GALNT13: variants seen among roughly 807,000 people sequenced by gnomAD.
GALNT13 encodes polypeptide N-acetylgalactosaminyltransferase 13, also known as UDP-GalNAc:polypeptide N-acetylgalactosaminyltransferase 13.
Under a neutral mutation model 64.2 loss-of-function variants are expected in GALNT13, and 28 were observed. The ratio of observed to expected loss-of-function variants is 0.44; its 90% confidence interval spans 0.32 to 0.60. GALNT13 has a LOEUF of 0.60. GALNT13 is among the 20% of genes least tolerant of loss of function. GALNT13 has a pLI of 0.05. For synonymous variants in GALNT13, 214 were observed against 224.6 expected (o/e 0.95, Z 0.42); for missense variants, 577 against 669.8 (o/e 0.86, Z 1.53).
intron 9 of GALNT13, among the ~76,000 whole-genome samples, chr2:154,331,683 T>C (rs1420486233): frequency 6.6e-6 from 1 of 152,242 alleles, no homozygotes; most frequent in East Asian, 1.9e-4. Context: ...AATGTTAATA[T>C]ACTATTTTAT....
intron 3 of GALNT13, among the ~76,000 whole-genome samples, chr2:154,014,966 A>T (rs1055765371): frequency 2.0e-5 from 3 of 152,112 alleles, no homozygotes; most frequent in Non-Finnish European, 4.4e-5. Context: ...CACCCAAAAT[A>T]TACTTGTAGT....
the GALNT13 span, among the ~76,000 whole-genome samples, chr2:153,334,700 G>T: frequency 6.6e-6 from 1 of 152,136 alleles, no homozygotes; most frequent in African/African-American, 2.4e-5. Flanking sequence ...TATGGATGAA[G>T]TAACTTGACA....
chr2:154,236,731 T>G (rs991613843), intron 4 of GALNT13, among the ~76,000 whole-genome samples: 1 of 152,060 alleles, frequency 6.6e-6, no homozygotes, highest in Admixed American at 6.6e-5. Flanking sequence ...TACAATAATG[T>G]CAATTTTGCT....
chr2:153,729,385 C>T, the GALNT13 span, among the ~76,000 whole-genome samples: 2 of 152,120 alleles, frequency 1.3e-5, no homozygotes, highest in East Asian at 1.9e-4. Flanking sequence ...CAAACACAGG[C>T]TTTTAATTTT....
chr2:153,407,631 CT>C, the GALNT13 span, among the ~76,000 whole-genome samples: 509 of 152,264 alleles, frequency 3.3e-3, 2 homozygotes, highest in African/African-American at 0.011. Flanking sequence ...TGCATCACTG[CT>C]TGATTAGATT....
the GALNT13 span, among the ~76,000 whole-genome samples, chr2:153,493,138 A>T: frequency 2.6e-5 from 4 of 152,114 alleles, no homozygotes; most frequent in African/African-American, 9.6e-5. Context: ...AGAGCAAAGT[A>T]AATAGAAGAC....
intron 4 of GALNT13, among the ~76,000 whole-genome samples, chr2:154,189,321 A>C (rs189313315): frequency 6.6e-6 from 1 of 152,142 alleles, no homozygotes; most frequent in Non-Finnish European, 1.5e-5. Flanking sequence ...CATATGTGGA[A>C]GCCCTAACTT....
At chr2:154,311,272 C>G (rs575443915) in intron 9 of GALNT13, among the ~76,000 whole-genome samples, 31 of 151,956 alleles carry the variant, frequency 2.0e-4, no homozygotes, top group Non-Finnish European at 4.3e-4. Flanking sequence ...CCCCGATAAT[C>G]ACGTAGGTTC....
intron 2 of GALNT13, among the ~76,000 whole-genome samples, chr2:153,918,410 A>G (rs530577514): frequency 6.6e-6 from 1 of 152,142 alleles, no homozygotes; most frequent in Admixed American, 6.6e-5. Flanking sequence ...GTGGTTTTCT[A>G]GAGCGGTATC....
the GALNT13 span, among the ~76,000 whole-genome samples, chr2:153,743,576 G>A: frequency 4.0e-4 from 60 of 151,706 alleles, no homozygotes; most frequent in Non-Finnish European, 6.6e-4. Context: ...ATATTTATGA[G>A]GCACATAAGA....
chr2:153,924,262 C>CTA (rs1334606333), intron 2 of GALNT13, among the ~76,000 whole-genome samples: 1 of 147,238 alleles, frequency 6.8e-6, no homozygotes, highest in African/African-American at 2.5e-5. Context: ...CCCCATGTGT[C>CTA]TATGTGTTCT....
chr2:153,193,693 G>A, the GALNT13 span, among the ~76,000 whole-genome samples: 1 of 150,992 alleles, frequency 6.6e-6, no homozygotes, highest in African/African-American at 2.4e-5. Flanking sequence ...CCTCATTTGC[G>A]TGTTTTACAT....
intron 3 of GALNT13, among the ~76,000 whole-genome samples, chr2:154,012,696 T>C (rs1696731290): frequency 1.3e-5 from 2 of 152,166 alleles, no homozygotes; most frequent in South Asian, 4.1e-4. Flanking sequence ...CTTTCTGCCA[T>C]GTCAGTGTGT....
chr2:153,635,465 T>TATAC, the GALNT13 span, among the ~76,000 whole-genome samples: 9 of 149,372 alleles, frequency 6.0e-5, no homozygotes, highest in Admixed American at 1.3e-4. Context: ...TATATGTGTA[T>TATAC]ACGTTTGTTT....
intron 9 of GALNT13, among the ~76,000 whole-genome samples, chr2:154,381,623 C>T (rs1339812564): frequency 6.6e-6 from 1 of 152,054 alleles, no homozygotes; most frequent in African/African-American, 2.4e-5. Flanking sequence ...AGGTTAAGGA[C>T]ACTAACCTGG....
chr2:154,233,192 T>G (rs1052010977), intron 4 of GALNT13, among the ~76,000 whole-genome samples: 8 of 152,138 alleles, frequency 5.3e-5, no homozygotes, highest in Non-Finnish European at 1.2e-4. Flanking sequence ...ATCACCACCT[T>G]AGCAGATGTC....
At chr2:153,251,205 A>C in the GALNT13 span, among the ~76,000 whole-genome samples, 1 of 151,996 alleles carries the variant, frequency 6.6e-6, no homozygotes, top group South Asian at 2.1e-4. Context: ...TAAATGTATT[A>C]CTGGTATATG....
chr2:153,648,656 T>C, the GALNT13 span, among the ~76,000 whole-genome samples: 8 of 152,286 alleles, frequency 5.3e-5, no homozygotes, highest in East Asian at 1.5e-3. Context: ...ACCTAATTTA[T>C]TGAGAGATTT....
chr2:153,795,357 C>T, the GALNT13 span, among the ~76,000 whole-genome samples: 2 of 151,974 alleles, frequency 1.3e-5, no homozygotes, highest in Admixed American at 6.6e-5. Flanking sequence ...AAATGTGCTC[C>T]CTGTTTGCTT....
Sources: gnomAD v4.1 joint callset for allele counts (sites outside exome capture counted in the v4.1 genomes callset) on GRCh38, gnomAD v4.1.1 for gene constraint, MANE v1.5 for transcripts, NCBI Gene and HGNC (gene_info 2026-07-23, HGNC 2026-07-21) for gene names.